EGFLAM: variants seen among roughly 807,000 people sequenced by gnomAD.
EGFLAM encodes EGF like, fibronectin type III and laminin G domains, also known as pikachurin.
Under a neutral mutation model 113.1 loss-of-function variants are expected in EGFLAM, and 79 were observed. The ratio of observed to expected loss-of-function variants is 0.70; its 90% CI spans 0.58 to 0.84. The LOEUF (loss-of-function observed/expected upper bound fraction) is 0.84, where lower values mean the gene tolerates loss of function less well. Among genes scored for constraint, EGFLAM ranks in the 40% least tolerant of loss-of-function variants. The probability of loss-of-function intolerance (pLI) is 0.00; values close to 1 mark genes in which losing one functional copy is unlikely to be tolerated. For missense variants in EGFLAM, 1,265 were observed against 1,291.6 expected (o/e 0.98, Z 0.32); for synonymous variants, 504 against 487.6 (o/e 1.03, Z -0.44).
At chr5:38,342,108 G>C (rs1489979110) in intron 3 of EGFLAM, among the ~76,000 whole-genome samples, 1 of 152,172 alleles carries the variant, frequency 6.6e-6, no homozygotes, top group Non-Finnish European at 1.5e-5. Context: ...GCTCAGTGAA[G>C]AGTGCCTAGT....
chr5:38,463,905 C>G lies in EGFLAM; in HGVS notation c.2949C>G (p.Phe983Leu). 6.2e-7 allele frequency: 1 copy of G among 1,614,246 alleles called. No homozygotes were observed. The highest frequency in any genetic ancestry group is 8.5e-7 in the Non-Finnish European group (1 of 1,180,050). ...GGCTCGTGGGCTGTATCTCTCACTT[C>G]ACCCTGTCCACCGATTACCACATTT... is the stretch of plus-strand genomic sequence containing the variant. ...MRGLVGCISH[F>L]TLSTDYHISL... Residue 983 changes from phenylalanine to leucine, a missense_variant, in exon 22 of 22, where the codon TTC becomes TTG. Transcript: ENST00000322350.
At position 38,383,560 on chromosome 5, in the gene EGFLAM, T is replaced by C. The variant is rs187462661; in HGVS notation, c.712+13098T>C. On this transcript the variant is annotated intron_variant, in intron 6 of 21. Transcript: ENST00000322350. ...TTCCAAAATGTGTATTTGATGTCTG[T>C]TTATGCCCAGGTAATTTCTGGATGC... is the stretch of plus-strand genomic sequence containing the variant. Among the ~76,000 whole-genome samples the C allele has an allele frequency of 5.3e-5, 8 of 152,292 alleles. No homozygotes were observed. The East Asian group carries it at 1.5e-3, about 29-fold the overall frequency.
intron 1 of EGFLAM, among the ~76,000 whole-genome samples, chr5:38,294,189 C>T (rs112572866): frequency 2.2e-4 from 33 of 152,212 alleles, no homozygotes; most frequent in Admixed American, 5.2e-4. Flanking sequence ...CGGTCTATTC[C>T]ACATATGTCT....
intron 20 of EGFLAM, among the ~76,000 whole-genome samples, chr5:38,459,510 G>A (rs1037915708): frequency 6.6e-6 from 1 of 152,008 alleles, no homozygotes; most frequent in Non-Finnish European, 1.5e-5. Context: ...TTTCAGAAAC[G>A]AAATAGCAGG....
At position 38,283,438 on chromosome 5, in the gene EGFLAM, T is replaced by C. The variant is rs145315603; in HGVS notation, c.97+24587T>C. ...CACGTTTACATATAAAGGCATGCAT[T>C]GTGCCTTTACATAATAATAATGATA... is the stretch of plus-strand genomic sequence containing the variant. On this transcript the variant is annotated intron_variant, in intron 1 of 21. Transcript: ENST00000322350. Among the ~76,000 whole-genome samples the C allele has an allele frequency of 3.8e-3, 585 of 152,332 alleles. 10 individuals carry two copies. The South Asian group carries it at 0.05, about 13-fold the overall frequency.
chr5:38,352,087 GTATTA>G, intron 4 of EGFLAM, 104 bp from the exon 5 acceptor site: 1 of 1,493,378 alleles, frequency 6.7e-7, no homozygotes, highest in African/African-American at 1.4e-5. Flanking sequence ...AGCTGTTTAT[GTATTA>G]TATTAAACGT....
chr5:38,263,886 G>T (rs967917157), intron 1 of EGFLAM, among the ~76,000 whole-genome samples: 38 of 152,170 alleles, frequency 2.5e-4, no homozygotes, highest in African/African-American at 8.9e-4. Flanking sequence ...GGTGGTGGGA[G>T]GTGGTACATC....
In EGFLAM at chr5:38,335,320, T is replaced by C. The variant is rs536657431; in HGVS notation, c.98-2200T>C. The stretch of plus-strand genomic sequence containing the variant: ...AGCATTATTTTTACCAGCGATATTT[T>C]GATAATAACTGCAATGTCAATCAAT... On this transcript the variant is annotated intron_variant, in intron 1 of 21. Transcript: ENST00000322350. 5.9e-5 allele frequency among the ~76,000 whole-genome samples: 9 copies of C among 152,338 alleles called. No individual in the cohort carries two copies. In the East Asian group the frequency reaches 1.5e-3, roughly 26 times the overall value.
intron 5 of EGFLAM, among the ~76,000 whole-genome samples, chr5:38,363,945 T>C (rs1739993515): frequency 6.6e-6 from 1 of 152,220 alleles, no homozygotes. Context: ...AAACAGTACC[T>C]AAATGGGTGA....
At chr5:38,265,990 G>T (rs939893997) in intron 1 of EGFLAM, among the ~76,000 whole-genome samples, 2 of 152,110 alleles carry the variant, frequency 1.3e-5, no homozygotes, top group Non-Finnish European at 2.9e-5. Flanking sequence ...ATACCTCCAC[G>T]CCCAGCTGTG....
rs1358980459 is a variant in EGFLAM, at chr5:38,283,113, A to G, written c.97+24262A>G. ...AGGCCTCCCAAAGTGCTGGGATTAT[A>G]AGTGTTAGCCACCATGCCTGGCCTG... On this transcript the variant is annotated intron_variant, in intron 1 of 21. Transcript: ENST00000322350. Among the ~76,000 whole-genome samples, 3 of 152,160 alleles carry G rather than the reference A, an allele frequency of 2.0e-5. No homozygotes were observed. In the East Asian group the frequency reaches 5.8e-4, roughly 29 times the overall value.
At chr5:38,317,459 GC>G (rs1430703297) in intron 1 of EGFLAM, among the ~76,000 whole-genome samples, 3 of 152,042 alleles carry the variant, frequency 2.0e-5, no homozygotes, top group Non-Finnish European at 2.9e-5. Context: ...TCCAAATTGT[GC>G]CCTGTAGGTC....
intron 19 of EGFLAM, among the ~76,000 whole-genome samples, chr5:38,454,272 G>C (rs1390890155): frequency 6.6e-6 from 1 of 152,174 alleles, no homozygotes; most frequent in African/African-American, 2.4e-5. Flanking sequence ...GGTCTGATTA[G>C]AAACAAGCAC....
chr5:38,449,549 G>T (rs771983640), intron 18 of EGFLAM, among the ~76,000 whole-genome samples: 1 of 152,148 alleles, frequency 6.6e-6, no homozygotes. Flanking sequence ...AGTCTCTGGG[G>T]GTTAGTGAGA....
At chr5:38,363,675 A>G (rs1739985646) in intron 5 of EGFLAM, among the ~76,000 whole-genome samples, 1 of 152,076 alleles carries the variant, frequency 6.6e-6, no homozygotes. Flanking sequence ...TATTATTTTG[A>G]TGATCCTTTT....
chr5:38,403,864 C>G lies in EGFLAM; in HGVS notation c.713-2262C>G, dbSNP rs1218357294. 4 of 1,613,784 alleles carry G rather than the reference C, an allele frequency of 2.5e-6. No individual in the cohort carries two copies. In the Admixed American group the frequency reaches 6.7e-5, roughly 27 times the overall value. On this transcript the variant is annotated intron_variant, in intron 6 of 21. Coordinates refer to ENST00000322350, the MANE Select transcript of EGFLAM (RefSeq NM_152403.4). The stretch of plus-strand genomic sequence containing the variant: ...ATCTGGCACACAGATACGCTGCATG[C>G]AGGTGGCTTGAGAGAACATGCATCC...
intron 1 of EGFLAM, among the ~76,000 whole-genome samples, chr5:38,277,019 C>G (rs1757902683): frequency 6.6e-6 from 1 of 152,102 alleles, no homozygotes; most frequent in African/African-American, 2.4e-5. Context: ...TCTCAAACTC[C>G]TCTAAAAGAA....
chr5:38,353,504 C>A (rs1052338038), intron 5 of EGFLAM, among the ~76,000 whole-genome samples: 3 of 152,200 alleles, frequency 2.0e-5, no homozygotes, highest in Non-Finnish European at 4.4e-5. Context: ...TTGATTAGCT[C>A]TGCTTCTGTG....
At position 38,305,479 on chromosome 5, in the gene EGFLAM, C is replaced by T. The variant is rs115859985; in HGVS notation, c.98-32041C>T. ...CACGAAAACTTGGACAGAACCATGA[C>T]GCAGGACCAAAGCTGCAGGAAACAG... On this transcript the variant is annotated intron_variant, in intron 1 of 21. Coordinates refer to ENST00000322350, the MANE Select transcript of EGFLAM (RefSeq NM_152403.4). The T allele has an allele frequency of 5.8e-3, 2,621 of 454,708 alleles. 52 individuals are homozygous for T. Among genetic ancestry groups the T allele is most frequent in the African/African-American group, 0.044 (2,209 of 50,044 alleles). The allele number at this position is 454,708 out of a possible 1,614,324, so 28.2% of individuals were successfully genotyped here.
Sources: allele counts gnomAD v4.1 joint callset (sites outside exome capture counted in the v4.1 genomes callset), GRCh38; gene constraint gnomAD v4.1.1; transcripts MANE v1.5; gene names NCBI Gene and HGNC (gene_info 2026-07-23, HGNC 2026-07-21).